Variants in MGAT4D observed in about 807,000 individuals in gnomAD.
MGAT4D encodes the protein alpha-1,3-mannosyl-glycoprotein 4-beta-N-acetylglucosaminyltransferase-like protein MGAT4D.
A neutral mutation model predicts 15.9 loss-of-function variants in MGAT4D; 34 were observed. That is an observed-to-expected ratio of 2.14 (90% confidence interval 1.62 to 2.84). The LOEUF (loss-of-function observed/expected upper bound fraction) is 2.84. Among genes scored for constraint, MGAT4D ranks in the 30% most tolerant of loss-of-function variants. MGAT4D has a pLI of 0.00. For synonymous variants in MGAT4D, 112 were observed against 48.2 expected (o/e 2.33, Z -5.49); for missense variants, 327 against 140.2 (o/e 2.33, Z -6.73).
chr4:140,472,293 T>G (rs1732016286), intron 4 of MGAT4D, among the ~76,000 whole-genome samples: 1 of 152,170 alleles, frequency 6.6e-6, no homozygotes, highest in Admixed American at 6.5e-5. Context: ...CAATTTGCCT[T>G]CCTGACAATA....
intron 4 of MGAT4D, among the ~76,000 whole-genome samples, chr4:140,472,600 G>A (rs1732041850): frequency 6.6e-6 from 1 of 152,096 alleles, no homozygotes; most frequent in Non-Finnish European, 1.5e-5. Flanking sequence ...TAGTACTGGA[G>A]GCTCTTAACC....
chr4:140,450,168 T>A (rs1056937885), intron 10 of MGAT4D: 2 of 314,698 alleles, frequency 6.4e-6, no homozygotes, highest in Non-Finnish European at 1.2e-5. Flanking sequence ...ATTTGACATA[T>A]TATTAAATTG....
rs182194320 is a variant in MGAT4D, at chr4:140,482,505, A to G, written c.95-20T>C. 83 of 606,616 alleles carry G rather than the reference A, an allele frequency of 1.4e-4. No homozygotes were observed. The highest frequency in any genetic ancestry group is 2.1e-4 in the Non-Finnish European group (73 of 346,512). The allele number at this position is 606,616 out of a possible 1,614,324, so 37.6% of individuals were successfully genotyped here. Reference sequence around the variant, plus strand: ...GATTATCTGCAATGAAAACATATGTATATATTTGTACATGTAGCAATGGTG... The same window carrying G: ...GATTATCTGCAATGAAAACATATGTGTATATTTGTACATGTAGCAATGGTG... On this transcript the variant is annotated intron_variant, in intron 1 of 10. Transcript: ENST00000511113.
Position 140,456,591 on chromosome 4 carries a change from G to T in MGAT4D, c.1006C>A (p.Leu336Ile). ...GTATTCATAAAGTAAATACTCACAA[G>T]ATCTTCTCCTGCGTCACACACCTTT... ...QVKVCDAGED[L>I]RNCMKRKKQI... Residue 336 changes from leucine (L) to isoleucine (I), a missense_variant and splice_region_variant, in exon 9 of 11, where the codon CTT (leucine) becomes ATT (isoleucine). By Grantham distance (5) the Leu-to-Ile change is conservative. Coordinates refer to ENST00000511113, the MANE Select transcript of MGAT4D (RefSeq NM_001277353.2). 1 of 654,138 alleles carries T rather than the reference G, an allele frequency of 1.5e-6. No individual in the cohort carries two copies. Among genetic ancestry groups the T allele is most frequent in the Non-Finnish European group, 2.8e-6 (1 of 362,798 alleles). The allele number at this position is 654,138 out of a possible 1,614,324, so 40.5% of individuals were successfully genotyped here. A position where few individuals can be genotyped will look rare whatever the true frequency, so the allele number is the denominator to read the frequency against.
intron 10 of MGAT4D, 36 bp from the exon 11 acceptor site, chr4:140,443,480 AAT>A: frequency 2.0e-6 from 1 of 509,668 alleles, no homozygotes; most frequent in Non-Finnish European, 3.5e-6. Context: ...ATCTAGAAAT[AAT>A]ATATTAATTC....
chr4:140,472,336 C>T (rs191797561), intron 4 of MGAT4D, among the ~76,000 whole-genome samples: 40 of 152,186 alleles, frequency 2.6e-4, no homozygotes, highest in Non-Finnish European at 1.9e-4. Context: ...TTGAACAGTG[C>T]GCTAGATTAG....
At chr4:140,482,841 C>T (rs1470782504) in intron 1 of MGAT4D, among the ~76,000 whole-genome samples, 1 of 151,790 alleles carries the variant, frequency 6.6e-6, no homozygotes, top group African/African-American at 2.4e-5. Flanking sequence ...TCCCATTAAC[C>T]CCCCAAAAAT....
At chr4:140,467,592 G>A (rs1731625497) in intron 5 of MGAT4D, among the ~76,000 whole-genome samples, 1 of 152,042 alleles carries the variant, frequency 6.6e-6, no homozygotes, top group Admixed American at 6.5e-5. Context: ...CAAGATACTT[G>A]AAATTTTGTG....
At chr4:140,468,069 T>C (rs1386748546) in intron 5 of MGAT4D, among the ~76,000 whole-genome samples, 1 of 151,900 alleles carries the variant, frequency 6.6e-6, no homozygotes, top group Admixed American at 6.6e-5. Context: ...AATTATTCTA[T>C]TATAATTTAA....
intron 10 of MGAT4D, among the ~76,000 whole-genome samples, chr4:140,444,755 A>G (rs1318189062): frequency 6.6e-6 from 1 of 152,116 alleles, no homozygotes; most frequent in Admixed American, 6.6e-5. Context: ...GGGTCAAATG[A>G]TAGTTCTGTT....
chr4:140,470,961 T>C (rs1317201553), intron 5 of MGAT4D, among the ~76,000 whole-genome samples: 2 of 151,492 alleles, frequency 1.3e-5, no homozygotes, highest in Non-Finnish European at 2.9e-5. Context: ...CTTGGCTCAC[T>C]AAAGCCTCCA....
intron 4 of MGAT4D, 58 bp downstream of exon 4, chr4:140,474,755 A>C (rs766981032): frequency 1.6e-4 from 80 of 508,858 alleles, no homozygotes; most frequent in Non-Finnish European, 2.4e-4. Flanking sequence ...CCATTGAGGA[A>C]GGGAATTTGG....
chr4:140,495,384 T>C (rs1326419989), intron 1 of MGAT4D, among the ~76,000 whole-genome samples: 1 of 152,230 alleles, frequency 6.6e-6, no homozygotes, highest in Admixed American at 6.5e-5. Context: ...GTTGTTTACT[T>C]CCCGTAAGCA....
Position 140,464,991 on chromosome 4 carries a change from C to G in MGAT4D, c.591G>C (p.Arg197Ser). The G allele has an allele frequency of 1.4e-6, 1 of 701,650 alleles. No homozygotes were observed. The highest frequency in any genetic ancestry group is 1.7e-5 in the African/African-American group (1 of 57,304). The allele number at this position is 701,650 out of a possible 1,614,324, so 43.5% of individuals were successfully genotyped here. Reference protein sequence around the residue: ...MITKKFKRQVRSGSLEVISIP... With the variant: ...MITKKFKRQVSSGSLEVISIP... Reference sequence around the variant, plus strand: ...TTGAAATGACCTCTAAGGATCCAGACCTCACTTGCCTTTTGAATCTATAAA... The same window carrying G: ...TTGAAATGACCTCTAAGGATCCAGAGCTCACTTGCCTTTTGAATCTATAAA... The change falls in exon 6 of 11, where the codon AGG (arginine) becomes AGC (serine). Residue 197 changes from arginine to serine, a missense_variant. By Grantham distance (110) the Arg-to-Ser change is moderately radical. Transcript: ENST00000511113.
rs553312179 is a variant in MGAT4D at position 140,473,911 on chromosome 4, A to G, written c.525+902T>C. ...AGATGGGGGTCTCGCTATGTTGCCC[A>G]GGCTGATTTCAGACTCCTGAGCTCA... On this transcript the variant is annotated intron_variant, in intron 4 of 10. Transcript: ENST00000511113. Among the ~76,000 whole-genome samples the G allele has an allele frequency of 4.0e-5, 6 of 151,704 alleles. No homozygotes were observed. In the East Asian group the frequency reaches 1.2e-3, roughly 30 times the overall value.
At chr4:140,478,730 C>T (rs1004040474) in intron 3 of MGAT4D, among the ~76,000 whole-genome samples, 2 of 150,892 alleles carry the variant, frequency 1.3e-5, no homozygotes, top group African/African-American at 4.9e-5. Context: ...ACTACTTATT[C>T]CCAAGGAACT....
intron 5 of MGAT4D, among the ~76,000 whole-genome samples, chr4:140,471,290 CTCTTT>C (rs1322165305): frequency 1.4e-5 from 2 of 146,178 alleles, no homozygotes; most frequent in Admixed American, 6.9e-5. Context: ...TTCCTTCTCT[CTCTTT>C]TCTTTTCGTT....
chr4:140,465,450 C>T (rs756319403), intron 5 of MGAT4D, among the ~76,000 whole-genome samples: 5 of 152,208 alleles, frequency 3.3e-5, no homozygotes, highest in African/African-American at 4.8e-5. Flanking sequence ...AGGATTTAGT[C>T]AGACTCTTGT....
chr4:140,487,135 T>C (rs1021858661), intron 1 of MGAT4D, among the ~76,000 whole-genome samples: 12 of 152,258 alleles, frequency 7.9e-5, no homozygotes, highest in African/African-American at 2.2e-4. Context: ...TGTACATTTT[T>C]CCCTGGTAAT....
Sources: allele counts gnomAD v4.1 joint callset (sites outside exome capture counted in the v4.1 genomes callset), GRCh38; gene constraint gnomAD v4.1.1; transcripts MANE v1.5; gene names NCBI Gene and HGNC (gene_info 2026-07-23, HGNC 2026-07-21).